Variants in CETN2 observed in about 807,000 individuals in gnomAD.
CETN2 encodes centrin-2.
Under a neutral mutation model 12.6 loss-of-function variants are expected in CETN2, and 2 were observed. The ratio of observed to expected loss-of-function variants is 0.16; its 90% CI spans 0.07 to 0.50. The LOEUF is 0.50. Among genes scored for constraint, CETN2 ranks in the 20% least tolerant of loss-of-function variants. The pLI, the probability that CETN2 is intolerant of heterozygous loss-of-function variation, is 0.96. For synonymous variants in CETN2, 41 were observed against 43.4 expected, an observed-to-expected ratio of 0.94 and a Z score of 0.22; for missense variants, 81 against 128.3, an observed-to-expected ratio of 0.63 and a Z score of 1.78.
At position 152,830,655 on chromosome X, in the gene CETN2, C is replaced by G. The variant is rs952107804; in HGVS notation, c.3+53G>C. On this transcript the variant is annotated intron_variant, in intron 1 of 4. Transcript: ENST00000370277. ...AGAGGCGGCGTGGCCGAGCTGGGGC[C>G]TGGGAAGGGCTCAGCCGCTGGGCGT... The G allele has an allele frequency of 2.7e-5, 31 of 1,160,736 alleles. No individual in the cohort carries two copies. In the African/African-American group the frequency reaches 5.0e-4, roughly 19 times the overall value.
chrX:152,829,826 T>C, intron 1 of CETN2, 66 bp from the exon 2 acceptor site: 3 of 878,345 alleles, frequency 3.4e-6, no homozygotes, highest in South Asian at 3.7e-5. Context: ...CATAACATAG[T>C]TACAGACACC....
At chrX:152,829,390 G>A in intron 2 of CETN2, 113 bp from the exon 3 acceptor site, 1 of 925,250 alleles carries the variant, frequency 1.1e-6, no homozygotes, top group Non-Finnish European at 1.5e-6. Context: ...ATATGATTGG[G>A]GAACACTATG....
rs1932961033 is a variant in CETN2 at position 152,827,067 on chromosome X, C to A, written c.*774G>T. 1 of 112,596 alleles carries A rather than the reference C, an allele frequency of 8.9e-6. No individual in the cohort carries two copies. Among genetic ancestry groups the A allele is most frequent in the Non-Finnish European group, 1.9e-5 (1 of 53,354 alleles). The allele number at this position is 112,596 out of a possible 1,213,427, so 9.3% of individuals were successfully genotyped here. A position where few individuals can be genotyped will look rare whatever the true frequency, so the allele number is the denominator to read the frequency against. On this transcript the variant is annotated 3_prime_UTR_variant, in exon 5 of 5. Transcript: ENST00000370277. ...ATTCAAGCACAAATTACTAACAAGA[C>A]TCTTTTCCAGTCTTAGCTTTGCCAA...
At chrX:152,830,353 T>C (rs1434406892) in intron 1 of CETN2, among the ~76,000 whole-genome samples, 1 of 113,225 alleles carries the variant, frequency 8.8e-6, no homozygotes, top group Non-Finnish European at 1.9e-5. Flanking sequence ...TTTTCCCAGC[T>C]GTGTGTGGAA....
rs1294083525 is a variant in CETN2, at chrX:152,827,293, C to G, written c.*548G>C. ...ATAATTGAGAAGAGGAACTCATAAGCAAAGCTAAAGAACTCATCCTTAGAG... is the reference window on the plus strand; with the variant it reads ...ATAATTGAGAAGAGGAACTCATAAGGAAAGCTAAAGAACTCATCCTTAGAG... On this transcript the variant is annotated 3_prime_UTR_variant, in exon 5 of 5. Transcript: ENST00000370277. The G allele has an allele frequency of 8.9e-6, 1 of 112,615 alleles. No homozygotes were observed. Among genetic ancestry groups the G allele is most frequent in the Admixed American group, 9.4e-5 (1 of 10,663 alleles). The allele number at this position is 112,615 out of a possible 1,213,427, so 9.3% of individuals were successfully genotyped here.
chrX:152,829,319 T>C (rs782543051), intron 2 of CETN2, 42 bp from the exon 3 acceptor site: 27 of 1,147,618 alleles, frequency 2.4e-5, no homozygotes, highest in Non-Finnish European at 2.8e-5. Flanking sequence ...ACATCTAAAG[T>C]AGCAGGAGCA....
chrX:152,828,952 A>G (rs1602914392), intron 3 of CETN2, 197 bp downstream of exon 3: 2 of 465,967 alleles, frequency 4.3e-6, no homozygotes, highest in Non-Finnish European at 7.2e-6. Flanking sequence ...GGGAAGAGGT[A>G]TCTGCTTGGA....
At chrX:152,829,036 G>A in intron 3 of CETN2, 113 bp downstream of exon 3, 1 of 886,222 alleles carries the variant, frequency 1.1e-6, no homozygotes, top group Non-Finnish European at 1.6e-6. Flanking sequence ...GCCTCCTGAT[G>A]CAGTTGCTAC....
chrX:152,830,687 CGACA>C lies in CETN2; in HGVS notation c.3+17_3+20del. ...GGGCTCAGCCGCTGGGCGTGGGGCG[CGACA>C]GAGCGGCAGCACTCACCATAGCCAA... On this transcript the variant is annotated intron_variant, in intron 1 of 4. Coordinates refer to ENST00000370277, the MANE Select transcript of CETN2 (RefSeq NM_004344.3). The C allele has an allele frequency of 1.3e-5, 15 of 1,177,917 alleles. No individual in the cohort carries two copies. The highest frequency in any genetic ancestry group is 1.7e-5 in the Non-Finnish European group (15 of 878,910).
intron 3 of CETN2, 81 bp downstream of exon 3, chrX:152,829,068 T>A (rs1932976475): frequency 4.5e-6 from 5 of 1,109,471 alleles, no homozygotes; most frequent in Non-Finnish European, 6.1e-6. Flanking sequence ...TGTGGTCACA[T>A]GACTGTTTTA....
At chrX:152,829,460 G>A in intron 2 of CETN2, 142 bp downstream of exon 2, 1 of 904,788 alleles carries the variant, frequency 1.1e-6, no homozygotes, top group Non-Finnish European at 1.5e-6. Context: ...AGTAAGTAAA[G>A]ACAGGAAAAC....
chrX:152,829,488 CCT>C (rs1300249558), intron 2 of CETN2, 112 bp downstream of exon 2: 61 of 934,945 alleles, frequency 6.5e-5, no homozygotes, highest in Non-Finnish European at 7.2e-5. Flanking sequence ...TACAACCTCC[CCT>C]GTTACTTACT....
chrX:152,827,509 G>A lies in CETN2; in HGVS notation c.*332C>T, dbSNP rs1932963993. On this transcript the variant is annotated 3_prime_UTR_variant, in exon 5 of 5. Coordinates refer to ENST00000370277, the MANE Select transcript of CETN2 (RefSeq NM_004344.3). ...CAGGTGTAACATGTGCTTGTCTAAA[G>A]TCGTTCTGTGTTTGTGGATATGTGG... 2 of 175,974 alleles carry A rather than the reference G, an allele frequency of 1.1e-5. No homozygotes were observed. The highest frequency in any genetic ancestry group is 2.1e-5 in the Non-Finnish European group (2 of 93,270). The allele number at this position is 175,974 out of a possible 1,213,427, so 14.5% of individuals were successfully genotyped here. A position where few individuals can be genotyped will look rare whatever the true frequency, so the allele number is the denominator to read the frequency against.
At chrX:152,829,007 T>G in intron 3 of CETN2, 142 bp downstream of exon 3, 1 of 695,207 alleles carries the variant, frequency 1.4e-6, no homozygotes, top group East Asian at 3.3e-5. Flanking sequence ...GAGCCCAAAG[T>G]AACATGATGG....
At chrX:152,829,464 G>A in intron 2 of CETN2, 138 bp downstream of exon 2, 1 of 905,496 alleles carries the variant, frequency 1.1e-6, no homozygotes, top group Non-Finnish European at 1.5e-6. Flanking sequence ...AGTAAAGACA[G>A]GAAAACAGCA....
At position 152,828,606 on chromosome X, in the gene CETN2, C is replaced by A; in HGVS notation, c.360G>T (p.Lys120Asn). ...CGCGTTTCAGATTTTTGAACGAAAT[C>A]TTCCCAGTTTCATCATCATCAAAGA... ...FKLFDDDETG[K>N]ISFKNLKRVA... The change falls in exon 4 of 5, where the codon AAG (lysine) becomes AAT (asparagine). Residue 120 changes from lysine to asparagine, a missense_variant. Physicochemically the swap from Lys to Asn is moderately conservative, Grantham distance 94. Transcript: ENST00000370277. The A allele has an allele frequency of 8.3e-7, 1 of 1,210,754 alleles. No homozygotes were observed. Among genetic ancestry groups the A allele is most frequent in the South Asian group, 1.8e-5 (1 of 56,927 alleles).
Position 152,827,667 on chromosome X carries a change from A to T in CETN2, c.*174T>A. On this transcript the variant is annotated 3_prime_UTR_variant, in exon 5 of 5. Transcript: ENST00000370277. ...TAATTCGCAGGTCATTTTACAAAGAACTGTAATATCAAAGAACACTTCCAA... is the reference window on the plus strand; with the variant it reads ...TAATTCGCAGGTCATTTTACAAAGATCTGTAATATCAAAGAACACTTCCAA... 2.6e-6 allele frequency: 1 copy of T among 381,420 alleles called. No homozygotes were observed. Among genetic ancestry groups the T allele is most frequent in the Non-Finnish European group, 4.6e-6 (1 of 218,160 alleles). 31.4% of individuals were successfully genotyped at this position (381,420 alleles called of 1,213,427 possible).
rs1932996015 is a variant in CETN2 at position 152,830,577 on chromosome X, CG to C, written c.3+130del. The C allele has an allele frequency of 5.8e-6, 5 of 856,725 alleles. No individual in the cohort carries two copies. The South Asian group carries it at 1.3e-4, about 23-fold the overall frequency. 70.6% of individuals were successfully genotyped at this position (856,725 alleles called of 1,213,427 possible). On this transcript the variant is annotated intron_variant, in intron 1 of 4. Transcript: ENST00000370277. Reference sequence around the variant, plus strand: ...GGTTAGCGTCTGTACCCTACTCTCCCGGGAAAGAGCTCAAAGGAAAGACTGG... The same window carrying C: ...GGTTAGCGTCTGTACCCTACTCTCCCGGAAAGAGCTCAAAGGAAAGACTGG...
chrX:152,827,995 C>CTTCT, intron 4 of CETN2, 65 bp from the exon 5 acceptor site: 1 of 772,150 alleles, frequency 1.3e-6, no homozygotes, highest in Admixed American at 3.0e-5. Flanking sequence ...AAGTAATAGA[C>CTTCT]TTTTTTTTTT....
Sources: gnomAD v4.1 joint callset for allele counts (sites outside exome capture counted in the v4.1 genomes callset) on GRCh38, gnomAD v4.1.1 for gene constraint, MANE v1.5 for transcripts, NCBI Gene and HGNC (gene_info 2026-07-23, HGNC 2026-07-21) for gene names.